Variants in CPE observed in about 807,000 individuals in gnomAD.
CPE encodes the protein carbocypeptidase E.
In CPE, 17 loss-of-function variants were observed where a neutral mutation model predicts 53.5. That is an observed-to-expected ratio of 0.32 (90% confidence interval 0.22 to 0.48). CPE has a LOEUF of 0.48. CPE is among the 20% of genes least tolerant of loss of function. The probability of loss-of-function intolerance (pLI) is 0.99; values close to 1 mark genes in which losing one functional copy is unlikely to be tolerated. For synonymous variants in CPE, 226 were observed against 228.8 expected (o/e 0.99, Z 0.11); for missense variants, 524 against 614.7 (o/e 0.85, Z 1.56).
At chr4:165,423,582 G>A (rs1333037203) in intron 1 of CPE, among the ~76,000 whole-genome samples, 1 of 151,884 alleles carries the variant, frequency 6.6e-6, no homozygotes, top group Non-Finnish European at 1.5e-5. Context: ...GCCAGAAGGT[G>A]AATTCCCTGT....
chr4:165,433,336 TG>T (rs1731443362), intron 1 of CPE, among the ~76,000 whole-genome samples: 1 of 152,198 alleles, frequency 6.6e-6, no homozygotes, highest in Non-Finnish European at 1.5e-5. Flanking sequence ...AGTTTTAGTT[TG>T]GTGACATGGA....
chr4:165,428,762 C>G (rs116746847), intron 1 of CPE, among the ~76,000 whole-genome samples: 3,404 of 152,198 alleles, frequency 0.022, 55 homozygotes, highest in Non-Finnish European at 0.038. Context: ...CAATTTCTGC[C>G]TTTGTGGACA....
chr4:165,411,403 A>C (rs1579249336), intron 1 of CPE, among the ~76,000 whole-genome samples: 1 of 151,494 alleles, frequency 6.6e-6, no homozygotes, highest in Admixed American at 6.6e-5. Flanking sequence ...TGTTTTATTT[A>C]GTTTATGTCA....
chr4:165,393,298 T>C (rs1358915270), intron 1 of CPE, among the ~76,000 whole-genome samples: 2 of 152,210 alleles, frequency 1.3e-5, no homozygotes. Flanking sequence ...ACTTGAATAA[T>C]GATCATGCAG....
At chr4:165,491,723 G>C (rs1316264810) in intron 6 of CPE, among the ~76,000 whole-genome samples, 1 of 152,002 alleles carries the variant, frequency 6.6e-6, no homozygotes, top group Non-Finnish European at 1.5e-5. Flanking sequence ...TAGGGTGTGA[G>C]AGTTTTCTTT....
chr4:165,424,879 C>CT (rs777344411), intron 1 of CPE, among the ~76,000 whole-genome samples: 97 of 137,682 alleles, frequency 7.0e-4, no homozygotes, highest in Admixed American at 1.4e-3. Context: ...AAAGTAGAAA[C>CT]TTTTTTTTTT....
At chr4:165,495,707 A>G (rs1240964730) in intron 8 of CPE, 30 bp downstream of exon 8, 3 of 1,402,590 alleles carry the variant, frequency 2.1e-6, no homozygotes, top group African/African-American at 1.4e-5. Context: ...GCCAAACGCT[A>G]TAATAATAAT....
intron 1 of CPE, chr4:165,418,140 A>C (rs1470888244): frequency 1.3e-5 from 2 of 152,256 alleles, no homozygotes; most frequent in Admixed American, 1.3e-4. Flanking sequence ...AAACGCAAAT[A>C]TCACCAACCA....
intron 1 of CPE, chr4:165,404,339 A>T: frequency 2.6e-6 from 2 of 772,052 alleles, no homozygotes; most frequent in South Asian, 1.3e-5. Flanking sequence ...GCGGAACTGG[A>T]TGTCTTCATC....
intron 1 of CPE, among the ~76,000 whole-genome samples, chr4:165,407,553 T>TC (rs972945456): frequency 2.8e-5 from 4 of 142,062 alleles, no homozygotes; most frequent in African/African-American, 1.0e-4. Context: ...CAATTTTTTC[T>TC]TTTTTTTTTT....
At chr4:165,422,334 A>AT (rs1282497949) in intron 1 of CPE, among the ~76,000 whole-genome samples, 1 of 147,136 alleles carries the variant, frequency 6.8e-6, no homozygotes, top group Non-Finnish European at 1.5e-5. Context: ...TATTTTAATT[A>AT]TTTTTTATCT....
intron 1 of CPE, among the ~76,000 whole-genome samples, chr4:165,442,036 G>GTTT (rs1318749931): frequency 1.5e-3 from 90 of 61,208 alleles, no homozygotes; most frequent in African/African-American, 4.5e-3. Context: ...TTTTTTTTTT[G>GTTT]TTTTTTTTTT....
At chr4:165,431,219 T>C (rs1215846806) in intron 1 of CPE, among the ~76,000 whole-genome samples, 1 of 152,246 alleles carries the variant, frequency 6.6e-6, no homozygotes, top group Non-Finnish European at 1.5e-5. Context: ...CCTGTCTTAA[T>C]GTGATACCTC....
In CPE at chr4:165,467,844, C is replaced by G. The variant is rs1439112150; in HGVS notation, c.661C>G (p.Gln221Glu). The change falls in exon 3 of 9, where the codon CAA becomes GAA. Residue 221 changes from glutamine to glutamate, a missense_variant. Transcript: ENST00000402744. ...LLKNMKKIVD[Q>E]NTKLAPETKA... is the part of the protein sequence containing the mutation. ...GAAAAATATGAAGAAAATTGTGGATCAAAACACAAAGGTAGTGACCACGGG... is the reference window on the plus strand; with the variant it reads ...GAAAAATATGAAGAAAATTGTGGATGAAAACACAAAGGTAGTGACCACGGG... The G allele has an allele frequency of 1.2e-6, 2 of 1,613,366 alleles. No individual in the cohort carries two copies. The highest frequency in any genetic ancestry group is 1.7e-6 in the Non-Finnish European group (2 of 1,179,638).
chr4:165,438,945 C>G (rs1731560006), intron 1 of CPE, among the ~76,000 whole-genome samples: 1 of 152,146 alleles, frequency 6.6e-6, no homozygotes, highest in Admixed American at 6.5e-5. Context: ...TAATATTGGG[C>G]AGGCCAGTAG....
chr4:165,432,576 A>G (rs1240825910), intron 1 of CPE, among the ~76,000 whole-genome samples: 1 of 152,120 alleles, frequency 6.6e-6, no homozygotes, highest in African/African-American at 2.4e-5. Flanking sequence ...GATTATAGAC[A>G]TGAGCCACCA....
Position 165,379,102 on chromosome 4 carries a change from A to T in CPE, c.-120A>T. ...TCATTCAGCCGGGGAAGGTGAGGCG[A>T]GTAGAGGCTGGTGCGGAACTTGCCG... On this transcript the variant is annotated 5_prime_UTR_variant, in exon 1 of 9. Coordinates refer to ENST00000402744, the MANE Select transcript of CPE (RefSeq NM_001873.4). This position sits in a 1 kb window ranked among gnomAD's most constrained non-coding sequence, Gnocchi z 6.0. 1 of 883,592 alleles carries T rather than the reference A, an allele frequency of 1.1e-6. No homozygotes were observed. Among genetic ancestry groups the T allele is most frequent in the Non-Finnish European group, 1.5e-6 (1 of 682,444 alleles). The allele number at this position is 883,592 out of a possible 1,614,324, so 54.7% of individuals were successfully genotyped here.
chr4:165,494,377 T>C (rs539950018), intron 7 of CPE, among the ~76,000 whole-genome samples: 1 of 152,288 alleles, frequency 6.6e-6, no homozygotes, highest in South Asian at 2.1e-4. Context: ...GAGGAGGGGC[T>C]CTAGAATACT....
intron 2 of CPE, among the ~76,000 whole-genome samples, chr4:165,466,937 T>C (rs1732116009): frequency 6.6e-6 from 1 of 152,218 alleles, no homozygotes; most frequent in Admixed American, 6.5e-5. Context: ...ATCTTTTCTG[T>C]CTTTATATCT....
Sources: gnomAD v4.1 joint callset for allele counts (sites outside exome capture counted in the v4.1 genomes callset) on GRCh38, gnomAD v4.1.1 for gene constraint, Gnocchi (gnomAD v3.1) non-coding constraint, MANE v1.5 for transcripts, NCBI Gene and HGNC (gene_info 2026-07-23, HGNC 2026-07-21) for gene names.